The following ZNF554 variants were observed in gnomAD, a reference collection of about 807,000 sequenced individuals.
ZNF554 encodes zinc finger protein 554.
ZNF554 carries 15 observed loss-of-function variants against 21.2 expected under a neutral mutation model. The observed-to-expected ratio is 0.71, with a 90% CI of 0.47 to 1.09. ZNF554 has a LOEUF of 1.09. Ranked by LOEUF, ZNF554 falls within the 50% of genes least tolerant of loss-of-function variation. The pLI is 0.00. For synonymous variants in ZNF554, 258 were observed against 251.4 expected (o/e 1.03, Z -0.25); for missense variants, 691 against 662.7 (o/e 1.04, Z -0.47).
At chr19:2,833,586 A>C in intron 4 of ZNF554, 95 bp from the exon 5 acceptor site, 12 of 1,022,106 alleles carry the variant, frequency 1.2e-5, no homozygotes, top group South Asian at 1.8e-5. Context: ...CAGTCCGCAC[A>C]GGCCTTGTAG....
At chr19:2,820,379 G>A (rs2087246332) in intron 1 of ZNF554, among the ~76,000 whole-genome samples, 1 of 152,248 alleles carries the variant, frequency 6.6e-6, no homozygotes, top group Admixed American at 6.5e-5. Flanking sequence ...AGAGGGAGAA[G>A]ACGCATTGAC....
At chr19:2,825,008 T>G (rs2087312321) in intron 2 of ZNF554, among the ~76,000 whole-genome samples, 3 of 144,138 alleles carry the variant, frequency 2.1e-5, no homozygotes, top group Non-Finnish European at 3.1e-5. Context: ...CAGTTGTTTT[T>G]TTTTTTTTTT....
In ZNF554 at chr19:2,820,221, C is replaced by T. The variant is rs2144797665; in HGVS notation, c.53+97C>T. 4 of 1,124,808 alleles carry T rather than the reference C, an allele frequency of 3.6e-6. No homozygotes were observed. The South Asian group carries it at 1.3e-4, about 38-fold the overall frequency. The allele number at this position is 1,124,808 out of a possible 1,614,324, so 69.7% of individuals were successfully genotyped here. On this transcript the variant is annotated intron_variant, in intron 1 of 4. Coordinates refer to ENST00000317243, the MANE Select transcript of ZNF554 (RefSeq NM_001102651.2). ...GCGGGGCCGGGTGGCCGGGGCATGA[C>T]CCTGTCGCGATAGGGTCCCCACGGG...
chr19:2,822,758 C>A (rs1382047984), intron 1 of ZNF554, among the ~76,000 whole-genome samples: 1 of 152,170 alleles, frequency 6.6e-6, no homozygotes, highest in East Asian at 1.9e-4. Flanking sequence ...CCTGTAGTTC[C>A]AGCCACAGGC....
chr19:2,830,749 C>G (rs1163924612), intron 3 of ZNF554: 1 of 143,666 alleles, frequency 7.0e-6, no homozygotes, highest in African/African-American at 2.6e-5. Flanking sequence ...GTGTGCACCA[C>G]CACACCTGTT....
At position 2,821,524 on chromosome 19, in the gene ZNF554, C is replaced by G. The variant is rs894622430; in HGVS notation, c.53+1400C>G. ...TGGGGCCGTGGTGCTTCTGAAGGCT[C>G]TGGCGGGAGGATCTTCTCTGTCTCT... On this transcript the variant is annotated intron_variant, in intron 1 of 4. Coordinates refer to ENST00000317243, the MANE Select transcript of ZNF554 (RefSeq NM_001102651.2). The surrounding 1 kb of genome is among the most constrained non-coding windows in gnomAD (Gnocchi z 8.2). Among the ~76,000 whole-genome samples the G allele has an allele frequency of 6.6e-6, 1 of 151,924 alleles. No homozygotes were observed. Among genetic ancestry groups the G allele is most frequent in the African/African-American group, 2.4e-5 (1 of 41,182 alleles).
chr19:2,835,306 A>T lies in ZNF554; in HGVS notation c.*454A>T, dbSNP rs2087484815. ...GCTAACACAGTGAAACCCTGTCTCT[A>T]CTAAAAATACAAAAAAGTAGCCGGG... On this transcript the variant is annotated 3_prime_UTR_variant, in exon 5 of 5. Transcript: ENST00000317243. The T allele has an allele frequency of 6.4e-6, 1 of 156,680 alleles. No homozygotes were observed. The highest frequency in any genetic ancestry group is 1.4e-5 in the Non-Finnish European group (1 of 70,706). 9.7% of individuals were successfully genotyped at this position (156,680 alleles called of 1,614,324 possible). A position where few individuals can be genotyped will look rare whatever the true frequency, so the allele number is the denominator to read the frequency against.
rs1331003287 is a variant in ZNF554, at chr19:2,834,751, T to TC, written c.1519dup (p.Leu507ProfsTer15). On this transcript the variant is annotated frameshift_variant, in exon 5 of 5. Coordinates refer to ENST00000317243, the MANE Select transcript of ZNF554 (RefSeq NM_001102651.2). LOFTEE classifies it low-confidence loss of function (END_TRUNC). ...TGGGAAAGCCTTCAGCCAGAGCTCA[T>TC]CCCTTGTCACACATCAGAAAACTCA... The TC allele has an allele frequency of 1.2e-6, 2 of 1,613,814 alleles. No individual in the cohort carries two copies. The highest frequency in any genetic ancestry group is 2.7e-5 in the African/African-American group (2 of 74,908).
chr19:2,834,157 G>A lies in ZNF554; in HGVS notation c.922G>A (p.Gly308Ser), dbSNP rs373939377. ...YLENGQSLNHGMALTIHNKIN... is the reference protein window; with the variant it reads ...YLENGQSLNHSMALTIHNKIN... Reference sequence around the variant, plus strand: ...GGAAAATGGGCAGTCATTGAACCACGGTATGGCCCTGACTATCCACAACAA... The same window carrying A: ...GGAAAATGGGCAGTCATTGAACCACAGTATGGCCCTGACTATCCACAACAA... Residue 308 changes from glycine to serine, a missense_variant, in exon 5 of 5, where the codon GGT becomes AGT. Transcript: ENST00000317243. 4.6e-5 allele frequency: 74 copies of A among 1,613,850 alleles called. 2 individuals carry two copies. Among genetic ancestry groups the A allele is most frequent in the African/African-American group, 1.7e-4 (13 of 74,902 alleles).
chr19:2,833,845 G>T lies in ZNF554; in HGVS notation c.610G>T (p.Ala204Ser), dbSNP rs201449932. ...EDPQGLLSQK[A>S]SLHVVAVPQE... ...CCCCCAGGGGCTTTTGAGCCAAAAG[G>T]CATCCCTTCACGTAGTGGCCGTTCC... The change falls in exon 5 of 5, where the codon GCA becomes TCA. Residue 204 changes from alanine (A) to serine (S), a missense_variant. Ala to Ser is a moderately conservative substitution (Grantham distance 99). Transcript: ENST00000317243. 6.2e-7 allele frequency: 1 copy of T among 1,612,714 alleles called. No individual in the cohort carries two copies. The highest frequency in any genetic ancestry group is 2.2e-5 in the East Asian group (1 of 44,850).
At chr19:2,826,645 G>GTTGT (rs1430419801) in intron 2 of ZNF554, among the ~76,000 whole-genome samples, 1 of 151,368 alleles carries the variant, frequency 6.6e-6, no homozygotes, top group South Asian at 2.1e-4. Context: ...GTGGGTCAAG[G>GTTGT]TTGTTGTAGC....
At chr19:2,832,734 G>T (rs1378506546) in intron 4 of ZNF554, among the ~76,000 whole-genome samples, 2 of 152,062 alleles carry the variant, frequency 1.3e-5, no homozygotes. Context: ...TTAAGACAGG[G>T]TCTCACTCTG....
chr19:2,833,595 A>C, intron 4 of ZNF554, 86 bp from the exon 5 acceptor site: 1 of 1,132,704 alleles, frequency 8.8e-7, no homozygotes, highest in Non-Finnish European at 1.3e-6. Flanking sequence ...CAGGCCTTGT[A>C]GATGTCAGAA....
intron 3 of ZNF554, among the ~76,000 whole-genome samples, chr19:2,829,364 A>C (rs956813235): frequency 1.3e-5 from 2 of 150,658 alleles, no homozygotes; most frequent in African/African-American, 2.5e-5. Context: ...GTCTCAAAAA[A>C]TATATATACA....
chr19:2,835,045 C>T lies in ZNF554; in HGVS notation c.*193C>T, dbSNP rs1221667865. 7 of 581,734 alleles carry T rather than the reference C, an allele frequency of 1.2e-5. No homozygotes were observed. Among genetic ancestry groups the T allele is most frequent in the Non-Finnish European group, 2.1e-5 (7 of 335,622 alleles). The allele number at this position is 581,734 out of a possible 1,614,324, so 36.0% of individuals were successfully genotyped here. On this transcript the variant is annotated 3_prime_UTR_variant, in exon 5 of 5. Coordinates refer to ENST00000317243, the MANE Select transcript of ZNF554 (RefSeq NM_001102651.2). ...GTTGAGATGGAGTCTGCCACCCAGG[C>T]TGGAGTCCAGTGGCGTGATCATACC... is the stretch of plus-strand genomic sequence containing the variant.
Position 2,819,919 on chromosome 19 carries a change from G to A in ZNF554, c.-153G>A. 1 of 468,016 alleles carries A rather than the reference G, an allele frequency of 2.1e-6. No homozygotes were observed. Among genetic ancestry groups the A allele is most frequent in the Non-Finnish European group, 3.2e-6 (1 of 311,244 alleles). The allele number at this position is 468,016 out of a possible 1,614,324, so 29.0% of individuals were successfully genotyped here. A position where few individuals can be genotyped will look rare whatever the true frequency, so the allele number is the denominator to read the frequency against. On this transcript the variant is annotated 5_prime_UTR_variant, in exon 1 of 5. Coordinates refer to ENST00000317243, the MANE Select transcript of ZNF554 (RefSeq NM_001102651.2). ...CGGGGTTGGTGGCGGCGGCTGCGGC[G>A]AGTTCCTGAGGGGCGCCTGCGGGGG...
intron 1 of ZNF554, 86 bp downstream of exon 1, chr19:2,820,210 C>A: frequency 8.6e-7 from 1 of 1,161,778 alleles, no homozygotes; most frequent in Non-Finnish European, 1.1e-6. Context: ...GGCCGGGTGG[C>A]CGGGGCATGA....
Position 2,835,008 on chromosome 19 carries a change from TTTG to T in ZNF554, c.*169_*171del, listed in dbSNP as rs772812826. On this transcript the variant is annotated 3_prime_UTR_variant, in exon 5 of 5. Transcript: ENST00000317243. ...GCTCTGAGAATGGGCATTTTTGTAT[TTTG>T]TTGTTGTTGTTGAGATGGAGTCTGC... 112 of 718,924 alleles carry T rather than the reference TTTG, an allele frequency of 1.6e-4. 1 individual carries two copies. The highest frequency in any genetic ancestry group is 1.0e-3 in the African/African-American group (57 of 56,064). The allele number at this position is 718,924 out of a possible 1,614,324, so 44.5% of individuals were successfully genotyped here.
chr19:2,834,391 G>T lies in ZNF554; in HGVS notation c.1156G>T (p.Gly386Trp). The T allele has an allele frequency of 1.9e-6, 3 of 1,613,904 alleles. No individual in the cohort carries two copies. Among genetic ancestry groups the T allele is most frequent in the Non-Finnish European group, 2.5e-6 (3 of 1,179,980 alleles). The change falls in exon 5 of 5, where the codon GGG becomes TGG. Residue 386 changes from glycine to tryptophan, a missense_variant. By Grantham distance (184) the Gly-to-Trp change is radical. Transcript: ENST00000317243. ...GAAGCCCTACGGGTGCGGTGAGTGC[G>T]GGAAAGCCTTCAACAGGATCTCATC... ...GEKPYGCGECGKAFNRISSLT... is the reference protein window; with the variant it reads ...GEKPYGCGECWKAFNRISSLT...
Sources: gnomAD v4.1 joint callset for allele counts (sites outside exome capture counted in the v4.1 genomes callset) on GRCh38, gnomAD v4.1.1 for gene constraint, Gnocchi (gnomAD v3.1) non-coding constraint, MANE v1.5 for transcripts, NCBI Gene and HGNC (gene_info 2026-07-23, HGNC 2026-07-21) for gene names.